The following PCDH11X variants were observed in gnomAD, a reference collection of about 807,000 sequenced individuals.
PCDH11X encodes protocadherin-11 X-linked.
A neutral mutation model predicts 53.3 loss-of-function variants in PCDH11X; 18 were observed. The observed-to-expected ratio is 0.34, with a 90% CI of 0.23 to 0.50. The LOEUF (loss-of-function observed/expected upper bound fraction) is 0.50, where lower values mean the gene tolerates loss of function less well. PCDH11X is among the 20% of genes least tolerant of loss of function. PCDH11X has a pLI of 0.98. For synonymous variants in PCDH11X, 279 were observed against 393.3 expected, an observed-to-expected ratio of 0.71 and a Z score of 3.44; for missense variants, 570 against 1,032.4, an observed-to-expected ratio of 0.55 and a Z score of 6.14.
chrX:91,795,153 T>C (rs992800030), intron 1 of PCDH11X, among the ~76,000 whole-genome samples: 1 of 112,128 alleles, frequency 8.9e-6, no homozygotes, highest in South Asian at 3.7e-4. Flanking sequence ...ATTTCTGATA[T>C]TTTTTTGTCT....
At chrX:92,163,692 C>T (rs756396874) in intron 6 of PCDH11X, among the ~76,000 whole-genome samples, 1 of 111,334 alleles carries the variant, frequency 9.0e-6, no homozygotes, top group Non-Finnish European at 1.9e-5. Context: ...TTTGGGCTGT[C>T]TCCCGGCTCC....
chrX:91,815,829 A>G (rs1602275075), intron 4 of PCDH11X, among the ~76,000 whole-genome samples: 1 of 109,899 alleles, frequency 9.1e-6, no homozygotes, highest in African/African-American at 3.4e-5. Context: ...AATGAAAACT[A>G]ATTAAGCAAC....
At chrX:92,279,428 A>G (rs1390612352) in intron 8 of PCDH11X, among the ~76,000 whole-genome samples, 2 of 111,738 alleles carry the variant, frequency 1.8e-5, no homozygotes, top group Non-Finnish European at 3.8e-5. Flanking sequence ...TGCCCTTAAT[A>G]TTTTCCGTAG....
rs202144806 is a variant in PCDH11X at position 92,532,721 on chromosome X, CT to C, written c.3367+64400del. On this transcript the variant is annotated intron_variant, in intron 10 of 10. Coordinates refer to ENST00000682573, the MANE Select transcript of PCDH11X (RefSeq NM_032968.5). ...ATAGAAAACTCCACCAATTCTGCCCCTGTATTAGTTCCTTTTCACATGCTGA... is the reference window on the plus strand; with the variant it reads ...ATAGAAAACTCCACCAATTCTGCCCCGTATTAGTTCCTTTTCACATGCTGA... Among the ~76,000 whole-genome samples the C allele has an allele frequency of 6.5e-3, 703 of 108,126 alleles. 4 individuals carry two copies. Among genetic ancestry groups the C allele is most frequent in the African/African-American group, 0.023 (670 of 29,330 alleles). The allele number at this position is 108,126 out of a possible 115,157, so 93.9% of individuals were successfully genotyped here.
chrX:91,783,602 A>G (rs1935233658), intron 1 of PCDH11X, among the ~76,000 whole-genome samples: 1 of 112,058 alleles, frequency 8.9e-6, no homozygotes, highest in African/African-American at 3.2e-5. Flanking sequence ...AGCAGTCCAC[A>G]ACAGCATTTA....
At chrX:91,824,100 C>T (rs1379097329) in intron 4 of PCDH11X, among the ~76,000 whole-genome samples, 4 of 111,220 alleles carry the variant, frequency 3.6e-5, no homozygotes, top group African/African-American at 9.8e-5. Flanking sequence ...CTCTGGCTGC[C>T]CTTAACATTT....
At chrX:92,551,236 G>A (rs1307340911) in intron 10 of PCDH11X, among the ~76,000 whole-genome samples, 1 of 111,242 alleles carries the variant, frequency 9.0e-6, no homozygotes, top group East Asian at 2.8e-4. Context: ...CTCTACATCT[G>A]TGCTAGCATT....
chrX:92,474,210 T>C (rs2073328259), intron 10 of PCDH11X, among the ~76,000 whole-genome samples: 1 of 111,282 alleles, frequency 9.0e-6, no homozygotes, highest in South Asian at 3.7e-4. Context: ...ATAATGACTT[T>C]CTTTGTCTCA....
intron 10 of PCDH11X, among the ~76,000 whole-genome samples, chrX:92,478,063 C>G (rs771108336): frequency 9.1e-6 from 1 of 110,047 alleles, no homozygotes; most frequent in South Asian, 3.9e-4. Flanking sequence ...TGAGTTCTCA[C>G]GAGATCTTAT....
chrX:92,223,623 A>G (rs1453860604), intron 7 of PCDH11X, among the ~76,000 whole-genome samples: 1 of 112,118 alleles, frequency 8.9e-6, no homozygotes, highest in Non-Finnish European at 1.9e-5. Flanking sequence ...TTGAGGTCAG[A>G]TAATTTTGGG....
intron 6 of PCDH11X, among the ~76,000 whole-genome samples, chrX:92,073,844 G>A (rs1055086537): frequency 5.4e-5 from 6 of 111,415 alleles, no homozygotes; most frequent in South Asian, 3.7e-4. Flanking sequence ...CTGGGAGGCC[G>A]TACCCATTTT....
chrX:92,259,728 C>A (rs936427075), intron 7 of PCDH11X, among the ~76,000 whole-genome samples: 2 of 111,317 alleles, frequency 1.8e-5, no homozygotes, highest in Non-Finnish European at 3.8e-5. Flanking sequence ...CAAGTGTCAG[C>A]ATCTCACCCA....
intron 6 of PCDH11X, among the ~76,000 whole-genome samples, chrX:92,122,500 T>C (rs1414487127): frequency 8.9e-6 from 1 of 111,834 alleles, no homozygotes; most frequent in Non-Finnish European, 1.9e-5. Context: ...ATGCCTATTA[T>C]ATTTATGAAA....
At position 91,839,461 on chromosome X, in the gene PCDH11X, CAAA is replaced by C. The variant is rs757627555; in HGVS notation, c.540+3432_540+3434del. On this transcript the variant is annotated intron_variant, in intron 5 of 10. Transcript: ENST00000682573. Reference sequence around the variant, plus strand: ...AAACCCCGTCTCTACTAAAAAAATACAAAAAAAAAAAAAAAAATTAGCCAAGCA... The same window carrying C: ...AAACCCCGTCTCTACTAAAAAAATACAAAAAAAAAAAAAATTAGCCAAGCA... 2.8e-3 allele frequency among the ~76,000 whole-genome samples: 200 copies of C among 70,358 alleles called. 1 individual carries two copies. The highest frequency in any genetic ancestry group is 3.3e-3 in the Non-Finnish European group (118 of 35,285). The allele number at this position is 70,358 out of a possible 115,157, so 61.1% of individuals were successfully genotyped here. A position where few individuals can be genotyped will look rare whatever the true frequency, so the allele number is the denominator to read the frequency against.
intron 6 of PCDH11X, among the ~76,000 whole-genome samples, chrX:92,178,121 T>A (rs957291136): frequency 1.8e-5 from 2 of 111,293 alleles, no homozygotes; most frequent in Non-Finnish European, 3.8e-5. Flanking sequence ...AACTAAAACA[T>A]TTTAACAAAA....
At chrX:92,146,152 C>T (rs1470066345) in intron 6 of PCDH11X, among the ~76,000 whole-genome samples, 1 of 110,926 alleles carries the variant, frequency 9.0e-6, no homozygotes, top group Non-Finnish European at 1.9e-5. Flanking sequence ...TGTTAGCATA[C>T]TCCTCTTTTC....
intron 1 of PCDH11X, among the ~76,000 whole-genome samples, chrX:91,801,748 C>G (rs1406627735): frequency 8.9e-6 from 1 of 111,880 alleles, no homozygotes; most frequent in African/African-American, 3.2e-5. Context: ...CTCCAAATAT[C>G]AAGCTCTCAG....
intron 6 of PCDH11X, among the ~76,000 whole-genome samples, chrX:92,151,435 A>G (rs1286018681): frequency 2.7e-5 from 3 of 110,979 alleles, no homozygotes; most frequent in Non-Finnish European, 5.7e-5. Flanking sequence ...CTCGTGATCC[A>G]CCTGCCTCAG....
intron 6 of PCDH11X, among the ~76,000 whole-genome samples, chrX:92,022,710 G>T (rs775599943): frequency 1.8e-5 from 2 of 111,225 alleles, no homozygotes; most frequent in South Asian, 7.7e-4. Flanking sequence ...AAAATCAACA[G>T]AGTATACATT....
Sources: allele counts gnomAD v4.1 joint callset (sites outside exome capture counted in the v4.1 genomes callset), GRCh38; gene constraint gnomAD v4.1.1; transcripts MANE v1.5; gene names NCBI Gene and HGNC (gene_info 2026-07-23, HGNC 2026-07-21).